The following FAAH2 variants were observed in gnomAD, a reference collection of about 807,000 sequenced individuals.
FAAH2 encodes the protein fatty acid amide hydrolase 2, also known as fatty-acid amide hydrolase 2.
A neutral mutation model predicts 36.9 loss-of-function variants in FAAH2; 60 were observed. That is an observed-to-expected ratio of 1.63 (90% confidence interval 1.32 to 2.02). FAAH2 has a LOEUF of 2.02. Among genes scored for constraint, FAAH2 ranks in the 30% most tolerant of loss-of-function variants. FAAH2 has a pLI of 0.00. For synonymous variants in FAAH2, 214 were observed against 143.8 expected (o/e 1.49, Z -3.49); for missense variants, 689 against 397.5 (o/e 1.73, Z -6.23).
At chrX:57,133,350 TG>T in the FAAH2 span, among the ~76,000 whole-genome samples, 1 of 111,597 alleles carries the variant, frequency 9.0e-6, no homozygotes, top group Non-Finnish European at 1.9e-5. Context: ...TAAGTATTTG[TG>T]GGGTAAAGAT....
chrX:57,352,163 CAT>C (rs199504409), intron 5 of FAAH2, among the ~76,000 whole-genome samples: 1,287 of 82,447 alleles, frequency 0.016, 37 homozygotes, highest in African/African-American at 0.057. Context: ...TATATATACA[CAT>C]ATATATATAT....
intron 5 of FAAH2, among the ~76,000 whole-genome samples, chrX:57,346,954 T>G (rs1289861096): frequency 9.0e-6 from 1 of 111,360 alleles, no homozygotes; most frequent in Non-Finnish European, 1.9e-5. Flanking sequence ...GGAGTTCTCT[T>G]TGAAAGTGAC....
the FAAH2 span, among the ~76,000 whole-genome samples, chrX:57,219,863 CTTTTTTTTTTT>C: frequency 1.6e-3 from 56 of 35,644 alleles, no homozygotes; most frequent in African/African-American, 5.2e-3. Context: ...AGCGCCTTGT[CTTTTTTTTTTT>C]TTTTTTTTTT....
intron 7 of FAAH2, among the ~76,000 whole-genome samples, chrX:57,388,409 A>C (rs2055079570): frequency 9.0e-6 from 1 of 111,075 alleles, no homozygotes; most frequent in Admixed American, 9.6e-5. Context: ...ATTTCCTAGC[A>C]ACACCTTACT....
chrX:57,142,133 C>A, the FAAH2 span, among the ~76,000 whole-genome samples: 1 of 111,652 alleles, frequency 9.0e-6, no homozygotes, highest in Non-Finnish European at 1.9e-5. Context: ...TTATTTCTTT[C>A]CTTCTACTAA....
intron 10 of FAAH2, among the ~76,000 whole-genome samples, chrX:57,457,496 A>T (rs1387674098): frequency 1.2e-5 from 1 of 83,580 alleles, no homozygotes. Context: ...ATAAAAAGAG[A>T]GAAAATCAAA....
At chrX:57,181,537 C>T in the FAAH2 span, among the ~76,000 whole-genome samples, 1 of 111,218 alleles carries the variant, frequency 9.0e-6, no homozygotes, top group East Asian at 2.8e-4. Context: ...AGTGAAAGAT[C>T]TCTACAAGGA....
At chrX:57,449,848 G>C (rs1414580462) in intron 10 of FAAH2, among the ~76,000 whole-genome samples, 2 of 111,280 alleles carry the variant, frequency 1.8e-5, no homozygotes, top group Non-Finnish European at 3.8e-5. Context: ...TGTATTTTTA[G>C]TAGAGACAGG....
At chrX:57,252,008 C>T in the FAAH2 span, among the ~76,000 whole-genome samples, 1 of 112,508 alleles carries the variant, frequency 8.9e-6, no homozygotes, top group East Asian at 2.8e-4. Context: ...AAATGCTGTG[C>T]TTTTCCCATG....
chrX:57,472,379 G>C (rs1282456162), intron 10 of FAAH2, among the ~76,000 whole-genome samples: 1 of 111,676 alleles, frequency 9.0e-6, no homozygotes, highest in African/African-American at 3.2e-5. Flanking sequence ...TCTACAAAGA[G>C]CTCAAACAAA....
At chrX:57,447,120 G>A in intron 9 of FAAH2, 81 bp downstream of exon 9, 1 of 736,409 alleles carries the variant, frequency 1.4e-6, no homozygotes, top group Non-Finnish European at 1.9e-6. Flanking sequence ...TTGGACTAAA[G>A]GCCCCATGCA....
chrX:57,446,539 C>T (rs1297644625), intron 8 of FAAH2, among the ~76,000 whole-genome samples: 1 of 111,773 alleles, frequency 8.9e-6, no homozygotes, highest in Non-Finnish European at 1.9e-5. Flanking sequence ...TTCGTCATTC[C>T]TAAAAGAGAC....
At position 57,426,927 on chromosome X, in the gene FAAH2, TAAAC is replaced by T. The variant is rs752632338; in HGVS notation, c.997-4988_997-4985del. Among the ~76,000 whole-genome samples, 316 of 109,271 alleles carry T rather than the reference TAAAC, an allele frequency of 2.9e-3. 2 individuals carry two copies. Among genetic ancestry groups the T allele is most frequent in the African/African-American group, 0.01 (307 of 30,135 alleles). The allele number at this position is 109,271 out of a possible 115,157, so 94.9% of individuals were successfully genotyped here. A position where few individuals can be genotyped will look rare whatever the true frequency, so the allele number is the denominator to read the frequency against. On this transcript the variant is annotated intron_variant, in intron 7 of 10. Coordinates refer to ENST00000374900, the MANE Select transcript of FAAH2 (RefSeq NM_174912.4). Reference sequence around the variant, plus strand: ...AAAACTAAATGAAATTTAGAGCAAATAAACAATATTAAAAAGCAATGAAATGAAG... The same window carrying T: ...AAAACTAAATGAAATTTAGAGCAAATAATATTAAAAAGCAATGAAATGAAG...
At chrX:57,349,102 TAA>T (rs1491242300) in intron 5 of FAAH2, among the ~76,000 whole-genome samples, 2 of 97,185 alleles carry the variant, frequency 2.1e-5, no homozygotes, top group East Asian at 3.1e-4. Flanking sequence ...ATTATATATA[TAA>T]TGTATATGTG....
chrX:57,376,013 C>G (rs1485714733), intron 5 of FAAH2, among the ~76,000 whole-genome samples: 1 of 110,951 alleles, frequency 9.0e-6, no homozygotes, highest in African/African-American at 3.3e-5. Context: ...CATTGCAGTG[C>G]CATCTTTGTT....
intron 5 of FAAH2, among the ~76,000 whole-genome samples, chrX:57,355,315 T>A (rs2054132362): frequency 9.0e-6 from 1 of 111,028 alleles, no homozygotes; most frequent in Non-Finnish European, 1.9e-5. Context: ...TTTTTCTACT[T>A]GCCAGCAGAA....
At chrX:57,405,736 T>G (rs1602555051) in intron 7 of FAAH2, among the ~76,000 whole-genome samples, 1 of 99,888 alleles carries the variant, frequency 1.0e-5, no homozygotes, top group East Asian at 3.1e-4. Context: ...AAATTCTTTC[T>G]TCTGCTTCAT....
chrX:57,309,452 C>A (rs984110321), intron 2 of FAAH2, among the ~76,000 whole-genome samples: 1 of 111,831 alleles, frequency 8.9e-6, no homozygotes, highest in Non-Finnish European at 1.9e-5. Flanking sequence ...TTAGGAAACA[C>A]CACTTTTTAT....
the FAAH2 span, among the ~76,000 whole-genome samples, chrX:57,222,575 G>A: frequency 1.8e-5 from 2 of 111,364 alleles, no homozygotes; most frequent in East Asian, 5.6e-4. Context: ...CAACCTAACA[G>A]TTTATTCAAC....
Sources: allele counts gnomAD v4.1 joint callset (sites outside exome capture counted in the v4.1 genomes callset), GRCh38; gene constraint gnomAD v4.1.1; transcripts MANE v1.5; gene names NCBI Gene and HGNC (gene_info 2026-07-23, HGNC 2026-07-21).